The following KCNC1 variants were observed in gnomAD, a reference collection of about 807,000 sequenced individuals.
The protein encoded by KCNC1 is potassium voltage-gated channel subfamily C member 1.
KCNC1 carries 8 observed loss-of-function variants against 43.4 expected under a neutral mutation model. That is an observed-to-expected ratio of 0.18 (90% CI 0.11 to 0.33). KCNC1 has a LOEUF of 0.33. Among genes scored for constraint, KCNC1 ranks in the 10% least tolerant of loss-of-function variants. The probability of loss-of-function intolerance (pLI) is 1.00; values close to 1 mark genes in which losing one functional copy is unlikely to be tolerated. For synonymous variants in KCNC1, 361 were observed against 360.5 expected, an observed-to-expected ratio of 1.00 and a Z score of -0.01; for missense variants, 420 against 836.0, an observed-to-expected ratio of 0.50 and a Z score of 6.14.
In KCNC1 at chr11:17,736,017, C is replaced by G. The variant is rs1487238241; in HGVS notation, c.15C>G (p.Asp5Glu). The G allele has an allele frequency of 2.7e-6, 4 of 1,508,478 alleles. No homozygotes were observed. The highest frequency in any genetic ancestry group is 3.5e-6 in the Non-Finnish European group (4 of 1,130,416). 93.4% of individuals were successfully genotyped at this position (1,508,478 alleles called of 1,614,324 possible). A position where few individuals can be genotyped will look rare whatever the true frequency, so the allele number is the denominator to read the frequency against. MGQG[D>E]ESERIVINVG... Reference sequence around the variant, plus strand: ...GGGGCGCCGCGATGGGCCAAGGGGACGAGAGCGAGCGCATCGTGATCAACG... The same window carrying G: ...GGGGCGCCGCGATGGGCCAAGGGGAGGAGAGCGAGCGCATCGTGATCAACG... Residue 5 changes from aspartate to glutamate, a missense_variant, in exon 1 of 4, where the codon GAC (aspartate) becomes GAG (glutamate). By Grantham distance (45) the Asp-to-Glu change is conservative. Coordinates refer to ENST00000265969, the MANE Select transcript of KCNC1 (RefSeq NM_001112741.2). The surrounding 1 kb of genome is among the most constrained non-coding windows in gnomAD (Gnocchi z 9.3).
chr11:17,778,870 A>C, intron 2 of KCNC1, among the ~76,000 whole-genome samples: 1 of 58,586 alleles, frequency 1.7e-5, no homozygotes, highest in African/African-American at 6.7e-5. Flanking sequence ...GAGTGATTAG[A>C]TGGGGGGTGG....
chr11:17,764,417 CACAT>C (rs1442222386), intron 1 of KCNC1, among the ~76,000 whole-genome samples: 2 of 152,130 alleles, frequency 1.3e-5, no homozygotes, highest in South Asian at 2.1e-4. Flanking sequence ...ACACATGAAT[CACAT>C]ACAGCACACG....
intron 1 of KCNC1, among the ~76,000 whole-genome samples, chr11:17,768,618 G>T (rs930842802): frequency 3.3e-5 from 5 of 151,868 alleles, no homozygotes; most frequent in South Asian, 4.2e-4. Context: ...TTGGTGGGGG[G>T]GGGGGCGGTT....
Position 17,777,565 on chromosome 11 carries a change from GCA to G in KCNC1, c.1505-1887_1505-1886del. The G allele has an allele frequency of 1.0e-6, 1 of 985,866 alleles. No individual in the cohort carries two copies. The highest frequency in any genetic ancestry group is 1.2e-6 in the Non-Finnish European group (1 of 829,946). 61.1% of individuals were successfully genotyped at this position (985,866 alleles called of 1,614,324 possible). A position where few individuals can be genotyped will look rare whatever the true frequency, so the allele number is the denominator to read the frequency against. On this transcript the variant is annotated intron_variant, in intron 2 of 3. Coordinates refer to ENST00000265969, the MANE Select transcript of KCNC1 (RefSeq NM_001112741.2). This position sits in a 1 kb window ranked among gnomAD's most constrained non-coding sequence, Gnocchi z 4.3. The stretch of plus-strand genomic sequence containing the variant: ...GGAGGCAGGACCAGCGTGTCTGCGA[GCA>G]CACGTGTGTGCCTGCAGACATGCCC...
At position 17,772,054 on chromosome 11, in the gene KCNC1, C is replaced by T. The variant is rs776391602; in HGVS notation, c.960C>T (p.Arg320=). The change falls in exon 2 of 4, where the codon CGC becomes CGT. Residue 320 remains arginine, a synonymous_variant. Transcript: ENST00000265969. ...TCGTCCGCTTCGTGCGCATCTTGCG[C>T]ATCTTTAAGCTGACCCGCCACTTTG... ...LRVVRFVRIL[R]IFKLTRHFVG... The T allele has an allele frequency of 8.1e-6, 13 of 1,611,234 alleles. No individual in the cohort carries two copies. In the Admixed American group the frequency reaches 2.0e-4, roughly 25 times the overall value.
chr11:17,759,485 A>G (rs755807060), intron 1 of KCNC1, among the ~76,000 whole-genome samples: 1 of 152,194 alleles, frequency 6.6e-6, no homozygotes, highest in African/African-American at 2.4e-5. Context: ...CAAGAGGCCT[A>G]GCTTTTGGCC....
At chr11:17,749,627 G>T (rs1460559310) in intron 1 of KCNC1, among the ~76,000 whole-genome samples, 1 of 152,260 alleles carries the variant, frequency 6.6e-6, no homozygotes, top group Non-Finnish European at 1.5e-5. Flanking sequence ...CTGAGCAGCA[G>T]TGAGGAACAC....
At chr11:17,753,597 G>C (rs914968590) in intron 1 of KCNC1, among the ~76,000 whole-genome samples, 1 of 152,168 alleles carries the variant, frequency 6.6e-6, no homozygotes, top group Non-Finnish European at 1.5e-5. Context: ...TAAACCAGCC[G>C]CTAAACTGCC....
In KCNC1 at chr11:17,772,036, C is replaced by G. The variant is rs1445815607; in HGVS notation, c.942C>G (p.Arg314=). ...KDVLGFLRVV[R]FVRILRIFKL... ...TGCTGGGCTTCCTGCGCGTCGTCCG[C>G]TTCGTGCGCATCTTGCGCATCTTTA... The change falls in exon 2 of 4, where the codon CGC becomes CGG. Residue 314 remains arginine (R), a synonymous_variant. Transcript: ENST00000265969. The G allele has an allele frequency of 6.2e-7, 1 of 1,612,904 alleles. No individual in the cohort carries two copies. The highest frequency in any genetic ancestry group is 1.3e-5 in the African/African-American group (1 of 74,936).
At position 17,776,669 on chromosome 11, in the gene KCNC1, G is replaced by GCGGGGCCCTGGGCTGGGGGAGT; in HGVS notation, c.1505-2786_1505-2785insGGGGCCCTGGGCTGGGGGAGTC. ...GCCTGGGGGCCCTGGGCTGGGGGAG[G>GCGGGGCCCTGGGCTGGGGGAGT]CAGGGCCCCCAGCCTCTGGAAAGCA... On this transcript the variant is annotated intron_variant, in intron 2 of 3. Transcript: ENST00000265969. This position sits in a 1 kb window ranked among gnomAD's most constrained non-coding sequence, Gnocchi z 4.4. 1 of 984,976 alleles carries GCGGGGCCCTGGGCTGGGGGAGT rather than the reference G, an allele frequency of 1.0e-6. No individual in the cohort carries two copies. Among genetic ancestry groups the GCGGGGCCCTGGGCTGGGGGAGT allele is most frequent in the South Asian group, 4.7e-5 (1 of 21,264 alleles). The allele number at this position is 984,976 out of a possible 1,614,324, so 61.0% of individuals were successfully genotyped here. A position where few individuals can be genotyped will look rare whatever the true frequency, so the allele number is the denominator to read the frequency against.
At chr11:17,775,281 T>TGCCCCCCCCCCCCC in intron 2 of KCNC1, 45 of 935,678 alleles carry the variant, frequency 4.8e-5, no homozygotes, top group Non-Finnish European at 5.2e-5. Context: ...TCTGAGGGCA[T>TGCCCCCCCCCCCCC]CCCTCCCGCC....
chr11:17,744,090 A>C (rs948087440), intron 1 of KCNC1, among the ~76,000 whole-genome samples: 12 of 152,208 alleles, frequency 7.9e-5, no homozygotes, highest in Admixed American at 2.0e-4. Flanking sequence ...ATTAGAGAGG[A>C]ATCTAGCCAG....
rs760446616 is a variant in KCNC1, at chr11:17,736,221, G to C, written c.219G>C (p.Thr73=). Residue 73 remains threonine (T), a synonymous_variant, in exon 1 of 4, where the codon ACG becomes ACC. Transcript: ENST00000265969. This position sits in a 1 kb window ranked among gnomAD's most constrained non-coding sequence, Gnocchi z 9.3. The stretch of plus-strand genomic sequence containing the variant: ...CGCACATCCTGAACTACTACCGCAC[G>C]GGCAAGCTGCACTGCCCAGCCGACG... The part of the protein sequence containing the change: ...VFAHILNYYR[T]GKLHCPADVC... The C allele has an allele frequency of 4.5e-5, 72 of 1,613,730 alleles. No homozygotes were observed. Among genetic ancestry groups the C allele is most frequent in the Admixed American group, 8.3e-5 (5 of 59,996 alleles).
At chr11:17,766,903 T>C (rs1337603155) in intron 1 of KCNC1, among the ~76,000 whole-genome samples, 1 of 148,572 alleles carries the variant, frequency 6.7e-6, no homozygotes, top group Non-Finnish European at 1.5e-5. Flanking sequence ...GCAGATCACC[T>C]GAGGTCAGGA....
At position 17,776,806 on chromosome 11, in the gene KCNC1, C is replaced by T. The variant is rs886166096; in HGVS notation, c.1505-2650C>T. The stretch of plus-strand genomic sequence containing the variant: ...CCCCAGATTTATACAGTTGGCCCCT[C>T]GTTGGTTTCTCTTTCTTCAAGCCAC... On this transcript the variant is annotated intron_variant, in intron 2 of 3. Coordinates refer to ENST00000265969, the MANE Select transcript of KCNC1 (RefSeq NM_001112741.2). This position sits in a 1 kb window ranked among gnomAD's most constrained non-coding sequence, Gnocchi z 4.4. 1.4e-5 allele frequency: 14 copies of T among 985,244 alleles called. No homozygotes were observed. Among genetic ancestry groups the T allele is most frequent in the Non-Finnish European group, 1.6e-5 (13 of 830,020 alleles). 61.0% of individuals were successfully genotyped at this position (985,244 alleles called of 1,614,324 possible). A position where few individuals can be genotyped will look rare whatever the true frequency, so the allele number is the denominator to read the frequency against.
At chr11:17,763,725 T>C (rs1424796732) in intron 1 of KCNC1, among the ~76,000 whole-genome samples, 412 of 16,242 alleles carry the variant, frequency 0.025, no homozygotes, top group Non-Finnish European at 0.027. Context: ...CCCACACACC[T>C]CCCCACACAT....
chr11:17,746,012 A>G (rs1371230264), intron 1 of KCNC1, among the ~76,000 whole-genome samples: 1 of 152,230 alleles, frequency 6.6e-6, no homozygotes, highest in African/African-American at 2.4e-5. Context: ...TCTAGAAGCT[A>G]GAGTAGGGCC....
chr11:17,752,947 T>C (rs1270162032), intron 1 of KCNC1, among the ~76,000 whole-genome samples: 10 of 152,230 alleles, frequency 6.6e-5, no homozygotes, highest in Non-Finnish European at 1.5e-5. Context: ...AAGTAGTGCC[T>C]GGTGCATAAT....
At chr11:17,743,095 G>A (rs916322431) in intron 1 of KCNC1, among the ~76,000 whole-genome samples, 2 of 152,164 alleles carry the variant, frequency 1.3e-5, no homozygotes, top group African/African-American at 4.8e-5. Context: ...TTAAGGACTT[G>A]ATTTATATAT....
Sources: gnomAD v4.1 joint callset for allele counts (sites outside exome capture counted in the v4.1 genomes callset) on GRCh38, gnomAD v4.1.1 for gene constraint, Gnocchi (gnomAD v3.1) non-coding constraint, MANE v1.5 for transcripts, NCBI Gene and HGNC (gene_info 2026-07-23, HGNC 2026-07-21) for gene names.